The following PTPN3 variants were observed in gnomAD, a reference collection of about 807,000 sequenced individuals.
The protein encoded by PTPN3 is tyrosine-protein phosphatase non-receptor type 3.
Under a neutral mutation model 132.7 loss-of-function variants are expected in PTPN3, and 96 were observed. The observed-to-expected ratio is 0.72, with a 90% CI of 0.61 to 0.86. PTPN3 has a LOEUF of 0.86. Among genes scored for constraint, PTPN3 ranks in the 40% least tolerant of loss-of-function variants. PTPN3 has a pLI of 0.00. For synonymous variants in PTPN3, 398 were observed against 429.0 expected (o/e 0.93, Z 0.89); for missense variants, 1,125 against 1,159.6 (o/e 0.97, Z 0.43).
upstream of PTPN3, among the ~76,000 whole-genome samples, chr9:109,499,020 A>T (rs1162677659): frequency 1.3e-5 from 2 of 151,872 alleles, no homozygotes; most frequent in African/African-American, 4.8e-5. Flanking sequence ...TTTTCTTCAT[A>T]GCATTTAACA....
At chr9:109,424,294 A>T (rs148132815) in intron 12 of PTPN3, among the ~76,000 whole-genome samples, 247 of 152,322 alleles carry the variant, frequency 1.6e-3, no homozygotes, top group Non-Finnish European at 3.0e-3. Context: ...TCTAAGCCTC[A>T]GTGTCCTCAT....
Position 109,420,495 on chromosome 9 carries a change from G to T in PTPN3, c.1242C>A (p.Tyr414Ter). 6.2e-7 allele frequency: 1 copy of T among 1,613,736 alleles called. No homozygotes were observed. Among genetic ancestry groups the T allele is most frequent in the Non-Finnish European group, 8.5e-7 (1 of 1,179,944 alleles). ...TYITETEDVFYTYKGSLAPQD... is the reference protein window; with the variant it reads ...TYITETEDVF ...GAGGGGCCAGAGAGCCCTTGTACGT[G>T]TAAAATACATCTTCCGTTTCCGTGA... The change falls in exon 14 of 26, where the codon TAC becomes TAA. Residue 414 changes from tyrosine to a stop codon, truncating the protein, a stop_gained. Coordinates refer to ENST00000374541, the MANE Select transcript of PTPN3 (RefSeq NM_002829.4). LOFTEE classifies it high-confidence loss of function.
intron 21 of PTPN3, 52 bp from the exon 22 acceptor site, chr9:109,389,431 A>G: frequency 6.4e-7 from 1 of 1,551,616 alleles, no homozygotes; most frequent in Non-Finnish European, 8.8e-7. Context: ...CAGGGTGCAC[A>G]GGGAACTGGA....
At chr9:109,456,643 G>A (rs955555243) in intron 4 of PTPN3, among the ~76,000 whole-genome samples, 1 of 152,194 alleles carries the variant, frequency 6.6e-6, no homozygotes, top group Non-Finnish European at 1.5e-5. Flanking sequence ...GGCAGAGGGT[G>A]GACTATGGTG....
intron 14 of PTPN3, chr9:109,417,659 C>A (rs1842624929): frequency 2.0e-6 from 2 of 984,892 alleles, no homozygotes; most frequent in Admixed American, 6.2e-5. Context: ...AAAGTGGCTT[C>A]CCACCGGCAG....
upstream of PTPN3, among the ~76,000 whole-genome samples, chr9:109,502,092 C>T (rs559183076): frequency 6.6e-6 from 1 of 152,312 alleles, no homozygotes; most frequent in South Asian, 2.1e-4. Context: ...ATATACATCA[C>T]AGGTAATGGA....
Position 109,383,518 on chromosome 9 carries a change from C to CG in PTPN3, c.2286dup (p.Asp763ArgfsTer49), listed in dbSNP as rs1564371342. 6.2e-7 allele frequency: 1 copy of CG among 1,613,846 alleles called. No homozygotes were observed. Among genetic ancestry groups the CG allele is most frequent in the Non-Finnish European group, 8.5e-7 (1 of 1,180,008 alleles). On this transcript the variant is annotated frameshift_variant, in exon 23 of 26. Coordinates refer to ENST00000374541, the MANE Select transcript of PTPN3 (RefSeq NM_002829.4). LOFTEE classifies it high-confidence loss of function. The stretch of plus-strand genomic sequence containing the variant: ...TGAAAGCCGCCGTGGTTCATGACGT[C>CG]GGGGGGATCTGGCCAGTACTGGTGA...
At chr9:109,423,167 T>C (rs751879445) in intron 12 of PTPN3, among the ~76,000 whole-genome samples, 2 of 152,250 alleles carry the variant, frequency 1.3e-5, no homozygotes, top group Non-Finnish European at 2.9e-5. Flanking sequence ...CTCCAGTGAT[T>C]TCAAGGAATT....
chr9:109,427,219 C>T (rs1203566044), intron 11 of PTPN3, 97 bp from the exon 12 acceptor site: 5 of 1,331,444 alleles, frequency 3.8e-6, no homozygotes, highest in Non-Finnish European at 5.2e-6. Flanking sequence ...TAAGATGCAA[C>T]AGACAGCAGA....
intron 5 of PTPN3, among the ~76,000 whole-genome samples, chr9:109,453,419 G>A (rs893063956): frequency 1.3e-5 from 2 of 152,130 alleles, no homozygotes; most frequent in Non-Finnish European, 2.9e-5. Context: ...AGGGCTTAAC[G>A]TTGCCACAGG....
At chr9:109,474,411 C>A (rs1387943423) in intron 1 of PTPN3, among the ~76,000 whole-genome samples, 1 of 152,142 alleles carries the variant, frequency 6.6e-6, no homozygotes, top group African/African-American at 2.4e-5. Flanking sequence ...GCCGTCTCTG[C>A]GCCAGGCCAG....
At chr9:109,381,401 G>A (rs1005401726) in intron 25 of PTPN3, among the ~76,000 whole-genome samples, 1 of 152,220 alleles carries the variant, frequency 6.6e-6, no homozygotes, top group African/African-American at 2.4e-5. Context: ...ACAAATGATT[G>A]TTCAACGATA....
At chr9:109,463,153 C>T in intron 2 of PTPN3, 144 bp downstream of exon 2, 1 of 863,392 alleles carries the variant, frequency 1.2e-6, no homozygotes, top group Non-Finnish European at 1.7e-6. Flanking sequence ...TAAGTATTTC[C>T]AGTGCAATCT....
intron 22 of PTPN3, among the ~76,000 whole-genome samples, chr9:109,386,553 T>A (rs1391585325): frequency 6.6e-6 from 1 of 152,006 alleles, no homozygotes; most frequent in Non-Finnish European, 1.5e-5. Context: ...GAGGAGGTAA[T>A]GTCCTGGAGA....
At chr9:109,490,182 C>T (rs1363571518) in intron 1 of PTPN3, among the ~76,000 whole-genome samples, 4 of 150,502 alleles carry the variant, frequency 2.7e-5, no homozygotes, top group Non-Finnish European at 5.9e-5. Context: ...GACTCCATCT[C>T]AAAAAAAACA....
At chr9:109,398,697 C>A (rs1840797912) in intron 19 of PTPN3, among the ~76,000 whole-genome samples, 1 of 152,176 alleles carries the variant, frequency 6.6e-6, no homozygotes, top group Non-Finnish European at 1.5e-5. Flanking sequence ...AGCTGTGAGT[C>A]ACCTGGTCAC....
At chr9:109,384,158 G>T (rs1318847326) in intron 22 of PTPN3, among the ~76,000 whole-genome samples, 4 of 152,154 alleles carry the variant, frequency 2.6e-5, no homozygotes, top group Admixed American at 6.5e-5. Context: ...GCCGGCGTGG[G>T]TGTGCAGTAC....
chr9:109,423,496 C>T (rs911920869), intron 12 of PTPN3, among the ~76,000 whole-genome samples: 1 of 152,116 alleles, frequency 6.6e-6, no homozygotes. Flanking sequence ...ATTCCAGCTA[C>T]TTGGGAGGCT....
At chr9:109,496,167 G>A (rs759113457) in intron 1 of PTPN3, among the ~76,000 whole-genome samples, 6 of 152,174 alleles carry the variant, frequency 3.9e-5, no homozygotes, top group Admixed American at 2.6e-4. Flanking sequence ...TATTAGGCAC[G>A]TTCTATTCTA....
Sources: gnomAD v4.1 joint callset for allele counts (sites outside exome capture counted in the v4.1 genomes callset) on GRCh38, gnomAD v4.1.1 for gene constraint, MANE v1.5 for transcripts, NCBI Gene and HGNC (gene_info 2026-07-23, HGNC 2026-07-21) for gene names.